Variants in PLEKHA5 observed in about 807,000 individuals in gnomAD.
PLEKHA5 encodes the protein pleckstrin homology domain containing A5.
A neutral mutation model predicts 181.9 loss-of-function variants in PLEKHA5; 55 were observed. That is an observed-to-expected ratio of 0.30 (90% CI 0.24 to 0.38). The LOEUF (loss-of-function observed/expected upper bound fraction) is 0.38. Ranked by LOEUF, PLEKHA5 falls within the 10% of genes least tolerant of loss-of-function variation. The pLI is 1.00. For missense variants in PLEKHA5, 1,432 were observed against 1,549.5 expected (o/e 0.92, Z 1.27); for synonymous variants, 535 against 529.4 (o/e 1.01, Z -0.15).
intron 3 of PLEKHA5, among the ~76,000 whole-genome samples, chr12:19,176,130 A>G (rs2047140049): frequency 6.6e-6 from 1 of 152,042 alleles, no homozygotes; most frequent in Non-Finnish European, 1.5e-5. Context: ...CCATGAGATA[A>G]CAAGATACAA....
At chr12:19,289,133 G>A (rs545644914) in intron 13 of PLEKHA5, among the ~76,000 whole-genome samples, 2 of 152,244 alleles carry the variant, frequency 1.3e-5, no homozygotes, top group Admixed American at 1.3e-4. Context: ...GATAGGATTG[G>A]CATCAGAGCA....
intron 25 of PLEKHA5, among the ~76,000 whole-genome samples, chr12:19,353,591 T>G (rs186370918): frequency 3.4e-3 from 518 of 152,204 alleles, no homozygotes; most frequent in African/African-American, 0.012. Flanking sequence ...TCCCGAGTAG[T>G]TGGGATTACA....
chr12:19,147,369 G>A (rs2039177216), intron 3 of PLEKHA5: 1 of 152,180 alleles, frequency 6.6e-6, no homozygotes, highest in Admixed American at 6.5e-5. Context: ...AGAAAGTTTA[G>A]GGCTGCACAT....
chr12:19,210,810 A>C (rs2056748822), intron 3 of PLEKHA5, among the ~76,000 whole-genome samples: 5 of 152,172 alleles, frequency 3.3e-5, no homozygotes, highest in Admixed American at 3.3e-4. Flanking sequence ...AAAGGATGTG[A>C]ATGTTGGGAG....
chr12:19,234,004 G>A (rs2061016530), intron 3 of PLEKHA5, among the ~76,000 whole-genome samples: 1 of 152,210 alleles, frequency 6.6e-6, no homozygotes, highest in African/African-American at 2.4e-5. Flanking sequence ...CTTGTCATCA[G>A]TGACATTTGG....
chr12:19,285,527 G>C (rs969869380), intron 12 of PLEKHA5, among the ~76,000 whole-genome samples: 1 of 152,166 alleles, frequency 6.6e-6, no homozygotes, highest in Admixed American at 6.5e-5. Flanking sequence ...TCCCATGACC[G>C]TTTCAGGGAG....
chr12:19,216,006 A>G (rs192632815), intron 3 of PLEKHA5, among the ~76,000 whole-genome samples: 14 of 152,314 alleles, frequency 9.2e-5, no homozygotes, highest in African/African-American at 2.9e-4. Context: ...GAAAATCACA[A>G]AATACCGACT....
intron 15 of PLEKHA5, among the ~76,000 whole-genome samples, chr12:19,293,054 T>G (rs1419493753): frequency 1.3e-5 from 2 of 152,218 alleles, no homozygotes. Flanking sequence ...TTTCTTTCAT[T>G]GAATACATTT....
chr12:19,286,156 A>T (rs547434376), intron 12 of PLEKHA5, among the ~76,000 whole-genome samples: 2 of 152,354 alleles, frequency 1.3e-5, no homozygotes, highest in East Asian at 3.9e-4. Flanking sequence ...CGGTGATATT[A>T]ACAGTTGTGA....
intron 3 of PLEKHA5, among the ~76,000 whole-genome samples, chr12:19,138,132 TC>T (rs2036213457): frequency 6.6e-6 from 1 of 152,210 alleles, no homozygotes. Flanking sequence ...GACCTGTCTG[TC>T]CTATACAGGA....
intron 3 of PLEKHA5, among the ~76,000 whole-genome samples, chr12:19,139,638 A>G (rs1157958599): frequency 6.6e-6 from 1 of 152,246 alleles, no homozygotes; most frequent in Non-Finnish European, 1.5e-5. Flanking sequence ...TAATAAAATA[A>G]TCATGCAAAT....
At chr12:19,245,683 C>A (rs1007988947) in intron 3 of PLEKHA5, among the ~76,000 whole-genome samples, 2 of 133,314 alleles carry the variant, frequency 1.5e-5, no homozygotes, top group African/African-American at 5.6e-5. Context: ...GCCGAGATCA[C>A]GCCATTGCAC....
intron 26 of PLEKHA5, among the ~76,000 whole-genome samples, chr12:19,356,095 G>A (rs1304984010): frequency 6.6e-6 from 1 of 151,776 alleles, no homozygotes; most frequent in East Asian, 1.9e-4. Context: ...AACCCAGGAG[G>A]CGGAGGTCGC....
intron 3 of PLEKHA5, among the ~76,000 whole-genome samples, chr12:19,171,992 C>CG (rs1266834617): frequency 6.6e-6 from 1 of 152,042 alleles, no homozygotes; most frequent in Non-Finnish European, 1.5e-5. Flanking sequence ...GCCTTGCTTC[C>CG]GGAATACCTC....
chr12:19,189,013 T>A (rs996345371), intron 3 of PLEKHA5, among the ~76,000 whole-genome samples: 1 of 152,190 alleles, frequency 6.6e-6, no homozygotes, highest in Non-Finnish European at 1.5e-5. Context: ...AAGATAGACA[T>A]TAGTCAAGTT....
intron 10 of PLEKHA5, among the ~76,000 whole-genome samples, chr12:19,270,452 G>A (rs920161545): frequency 1.3e-5 from 2 of 152,038 alleles, no homozygotes; most frequent in African/African-American, 4.8e-5. Flanking sequence ...AAAATAGTTC[G>A]TCAAGCATTT....
rs2076592067 is a variant in PLEKHA5, at chr12:19,283,394, A to G, written c.1428A>G (p.Glu476=). 6.2e-7 allele frequency: 1 copy of G among 1,614,062 alleles called. No individual in the cohort carries two copies. Among genetic ancestry groups the G allele is most frequent in the Non-Finnish European group, 8.5e-7 (1 of 1,180,010 alleles). The stretch of plus-strand genomic sequence containing the variant: ...CAAGAAACAGCAAGACAAGGCCTGA[A>G]AGTATCTGCAGTGTAACCCCTTCCA... ...TLPRNSKTRP[E]SICSVTPSTH... The change falls in exon 12 of 32, where the codon GAA becomes GAG. Residue 476 remains glutamate (E), a synonymous_variant. Transcript: ENST00000429027.
chr12:19,129,910 G>C, intron 1 of PLEKHA5, 22 bp downstream of exon 1: 1 of 1,578,100 alleles, frequency 6.3e-7, no homozygotes, highest in Non-Finnish European at 8.6e-7. Context: ...GGGACGGCAC[G>C]GGGGCCCGCG....
intron 3 of PLEKHA5, among the ~76,000 whole-genome samples, chr12:19,168,336 G>T (rs1025504431): frequency 2.0e-5 from 3 of 152,066 alleles, no homozygotes; most frequent in African/African-American, 7.2e-5. Context: ...TATGTTTTAT[G>T]TATAAATAGA....
Sources: gnomAD v4.1 joint callset for allele counts (sites outside exome capture counted in the v4.1 genomes callset) on GRCh38, gnomAD v4.1.1 for gene constraint, MANE v1.5 for transcripts, NCBI Gene and HGNC (gene_info 2026-07-23, HGNC 2026-07-21) for gene names.